DLG2: variants seen among roughly 807,000 people sequenced by gnomAD.
DLG2 encodes the protein disks large homolog 2.
A neutral mutation model predicts 132.5 loss-of-function variants in DLG2; 45 were observed. The ratio of observed to expected loss-of-function variants is 0.34; its 90% CI spans 0.27 to 0.44. The LOEUF is 0.44. DLG2 is among the 20% of genes least tolerant of loss of function. The pLI, the probability that DLG2 is intolerant of heterozygous loss-of-function variation, is 1.00. For missense variants in DLG2, 1,045 were observed against 1,196.9 expected, an observed-to-expected ratio of 0.87 and a Z score of 1.87; for synonymous variants, 424 against 419.6, an observed-to-expected ratio of 1.01 and a Z score of -0.13.
chr11:83,725,477 G>A (rs1366794548), intron 18 of DLG2: 1 of 152,210 alleles, frequency 6.6e-6, no homozygotes, highest in Non-Finnish European at 1.5e-5. Flanking sequence ...CCTTAGGTGG[G>A]AAGAAAATTC....
chr11:84,279,539 C>T (rs867596879), intron 7 of DLG2, among the ~76,000 whole-genome samples: 1 of 152,132 alleles, frequency 6.6e-6, no homozygotes, highest in Non-Finnish European at 1.5e-5. Context: ...TTCACAATAG[C>T]AAAGACTTAG....
intron 3 of DLG2, among the ~76,000 whole-genome samples, chr11:85,481,106 A>T (rs1459165283): frequency 6.6e-6 from 1 of 152,130 alleles, no homozygotes; most frequent in Non-Finnish European, 1.5e-5. Context: ...CACTTTCTTC[A>T]TATGTAAAAT....
intron 4 of DLG2, among the ~76,000 whole-genome samples, chr11:85,279,001 T>C (rs1355985842): frequency 6.6e-6 from 1 of 152,178 alleles, no homozygotes; most frequent in African/African-American, 2.4e-5. Context: ...ATGGCCTATA[T>C]ATGTGAGAGA....
At chr11:85,601,765 G>A (rs1243022186) in intron 2 of DLG2, among the ~76,000 whole-genome samples, 2 of 152,162 alleles carry the variant, frequency 1.3e-5, no homozygotes, top group Non-Finnish European at 2.9e-5. Context: ...CTCCCAGATT[G>A]TTTTCCCACT....
intron 2 of DLG2, among the ~76,000 whole-genome samples, chr11:85,604,455 C>T (rs61465434): frequency 0.058 from 8,819 of 152,120 alleles, 823 homozygotes; most frequent in African/African-American, 0.2. Context: ...TTAAAAATCC[C>T]TAACCTAATC....
intron 6 of DLG2, among the ~76,000 whole-genome samples, chr11:84,886,235 C>T (rs2088282539): frequency 6.6e-6 from 1 of 152,114 alleles, no homozygotes; most frequent in Admixed American, 6.6e-5. Context: ...CTGCCTCATC[C>T]TCTGCCACAA....
At chr11:85,429,424 C>T (rs955227103) in intron 3 of DLG2, among the ~76,000 whole-genome samples, 3 of 152,092 alleles carry the variant, frequency 2.0e-5, no homozygotes, top group Non-Finnish European at 2.9e-5. Context: ...TGAACAGGAA[C>T]CTACAGAATG....
intron 6 of DLG2, among the ~76,000 whole-genome samples, chr11:84,621,429 G>A (rs2099613768): frequency 6.6e-6 from 1 of 152,140 alleles, no homozygotes. Context: ...AGAAGGAATA[G>A]ATGGATTTCC....
chr11:84,559,235 A>T (rs1279742396), intron 6 of DLG2, among the ~76,000 whole-genome samples: 1 of 152,140 alleles, frequency 6.6e-6, no homozygotes, highest in Admixed American at 6.6e-5. Flanking sequence ...TACTGTTGTC[A>T]TTATAACAAA....
chr11:85,300,927 G>A (rs1019527364), intron 3 of DLG2, among the ~76,000 whole-genome samples: 7 of 152,058 alleles, frequency 4.6e-5, no homozygotes, highest in African/African-American at 1.4e-4. Flanking sequence ...GAGACTGGCC[G>A]CGGTGACTCA....
rs139014329 is a variant in DLG2, at chr11:84,848,920, A to T, written c.357+262741T>A. ...CTGACTCAGGACTGGTCTGGGACTT[A>T]TATTAATCAATATACATAACAGAGG... On this transcript the variant is annotated intron_variant, in intron 6 of 27. Coordinates refer to ENST00000376104, the MANE Select transcript of DLG2 (RefSeq NM_001142699.3). Among the ~76,000 whole-genome samples the T allele has an allele frequency of 5.3e-5, 8 of 152,192 alleles. 1 individual carries two copies. Among genetic ancestry groups the T allele is most frequent in the Admixed American group, 3.3e-4 (5 of 15,276 alleles).
At chr11:84,608,623 A>G (rs573249588) in intron 6 of DLG2, among the ~76,000 whole-genome samples, 107 of 152,280 alleles carry the variant, frequency 7.0e-4, no homozygotes, top group Non-Finnish European at 1.4e-3. Context: ...ATAAGATACT[A>G]TGAAGCCTCA....
At chr11:84,072,867 A>G (rs1473739585) in intron 10 of DLG2, among the ~76,000 whole-genome samples, 1 of 152,238 alleles carries the variant, frequency 6.6e-6, no homozygotes, top group East Asian at 1.9e-4. Context: ...AAGATATAAT[A>G]GCCTGCACTA....
chr11:84,399,038 G>A (rs766019105), intron 7 of DLG2, among the ~76,000 whole-genome samples: 1 of 151,962 alleles, frequency 6.6e-6, no homozygotes, highest in Non-Finnish European at 1.5e-5. Context: ...TTTTAGGGTT[G>A]GTGTTCAAAA....
intron 3 of DLG2, among the ~76,000 whole-genome samples, chr11:85,384,622 G>A (rs539388585): frequency 6.6e-6 from 1 of 152,144 alleles, no homozygotes; most frequent in Non-Finnish European, 1.5e-5. Context: ...ACGCTGGAGT[G>A]CAGTTGCATG....
intron 19 of DLG2, among the ~76,000 whole-genome samples, chr11:83,552,575 C>T (rs1385779863): frequency 6.6e-6 from 1 of 152,040 alleles, no homozygotes; most frequent in East Asian, 1.9e-4. Context: ...ATCTGCCCAC[C>T]CCTACCTACT....
chr11:83,596,546 A>G (rs2057611280), intron 19 of DLG2, among the ~76,000 whole-genome samples: 1 of 152,168 alleles, frequency 6.6e-6, no homozygotes, highest in Admixed American at 6.5e-5. Flanking sequence ...GCCGCCTATG[A>G]TCCATCCTTC....
chr11:84,948,984 C>G (rs1395169608), intron 6 of DLG2, among the ~76,000 whole-genome samples: 1 of 152,156 alleles, frequency 6.6e-6, no homozygotes, highest in Non-Finnish European at 1.5e-5. Context: ...TTGAAAAGAT[C>G]AGTTTAGGAG....
chr11:85,161,798 A>T (rs2078048792), intron 4 of DLG2, among the ~76,000 whole-genome samples: 1 of 152,208 alleles, frequency 6.6e-6, no homozygotes, highest in South Asian at 2.1e-4. Context: ...CAACAAGGTG[A>T]CAATACTTTG....
Sources: gnomAD v4.1 joint callset for allele counts (sites outside exome capture counted in the v4.1 genomes callset) on GRCh38, gnomAD v4.1.1 for gene constraint, MANE v1.5 for transcripts, NCBI Gene and HGNC (gene_info 2026-07-23, HGNC 2026-07-21) for gene names.